The following GRIP1 variants were observed in gnomAD, a reference collection of about 807,000 sequenced individuals.
GRIP1 encodes the protein glutamate receptor-interacting protein 1.
A neutral mutation model predicts 129.9 loss-of-function variants in GRIP1; 45 were observed. The ratio of observed to expected loss-of-function variants is 0.35; its 90% CI spans 0.27 to 0.44. The LOEUF (loss-of-function observed/expected upper bound fraction) is 0.44. Among genes scored for constraint, GRIP1 ranks in the 20% least tolerant of loss-of-function variants. GRIP1 has a pLI of 1.00. For synonymous variants in GRIP1, 530 were observed against 520.8 expected, an observed-to-expected ratio of 1.02 and a Z score of -0.24; for missense variants, 1,196 against 1,396.8, an observed-to-expected ratio of 0.86 and a Z score of 2.29.
intron 22 of GRIP1, among the ~76,000 whole-genome samples, chr12:66,375,184 C>T (rs2055727152): frequency 6.6e-6 from 1 of 151,942 alleles, no homozygotes; most frequent in Non-Finnish European, 1.5e-5. Context: ...ATTATAATTC[C>T]CATTTTTATA....
chr12:66,433,298 G>T (rs1270501232), intron 13 of GRIP1, among the ~76,000 whole-genome samples: 1 of 142,456 alleles, frequency 7.0e-6, no homozygotes, highest in African/African-American at 2.6e-5. Flanking sequence ...CAATCAAAAA[G>T]ACTAAAACAA....
chr12:66,540,500 T>C (rs1177645182), intron 3 of GRIP1, among the ~76,000 whole-genome samples: 5 of 152,116 alleles, frequency 3.3e-5, no homozygotes, highest in African/African-American at 1.2e-4. Flanking sequence ...ATAAAGGAGG[T>C]TGTGGGTGTG....
At chr12:66,536,699 C>G (rs2061614985) in intron 4 of GRIP1, among the ~76,000 whole-genome samples, 1 of 152,166 alleles carries the variant, frequency 6.6e-6, no homozygotes, top group Non-Finnish European at 1.5e-5. Flanking sequence ...GCATAGCATT[C>G]ATAGTATTCA....
intron 1 of GRIP1, among the ~76,000 whole-genome samples, chr12:66,944,645 A>G (rs1269105482): frequency 6.6e-6 from 1 of 152,108 alleles, no homozygotes; most frequent in Non-Finnish European, 1.5e-5. Context: ...TGAAAACAGG[A>G]AGGTAACACA....
chr12:66,470,835 GAC>G (rs1274183680), intron 7 of GRIP1, among the ~76,000 whole-genome samples: 1 of 152,188 alleles, frequency 6.6e-6, no homozygotes, highest in Non-Finnish European at 1.5e-5. Flanking sequence ...AAATAATAGG[GAC>G]CATACCCTAC....
At chr12:66,849,302 G>A (rs929098601) in intron 1 of GRIP1, among the ~76,000 whole-genome samples, 3 of 151,980 alleles carry the variant, frequency 2.0e-5, no homozygotes, top group African/African-American at 4.8e-5. Context: ...AACCTCCTCC[G>A]TGAAGCCTGC....
intron 7 of GRIP1, among the ~76,000 whole-genome samples, chr12:66,474,428 A>C (rs2059540897): frequency 6.6e-6 from 1 of 152,136 alleles, no homozygotes; most frequent in Non-Finnish European, 1.5e-5. Flanking sequence ...AGTAGAACTT[A>C]CCCAACCTAG....
chr12:67,063,300 A>C (rs931191179), intron 1 of GRIP1, among the ~76,000 whole-genome samples: 6 of 152,152 alleles, frequency 3.9e-5, no homozygotes, highest in African/African-American at 1.4e-4. Context: ...TTGGTGCTTA[A>C]AGTTTAGTCG....
At chr12:66,357,286 G>A (rs2054539435) in intron 23 of GRIP1, among the ~76,000 whole-genome samples, 1 of 152,132 alleles carries the variant, frequency 6.6e-6, no homozygotes, top group Non-Finnish European at 1.5e-5. Flanking sequence ...GTGGGTTCTC[G>A]TCCTTCCCCC....
intron 7 of GRIP1, among the ~76,000 whole-genome samples, chr12:66,469,640 G>GA (rs201381351): frequency 2.2e-4 from 33 of 151,764 alleles, no homozygotes; most frequent in African/African-American, 7.2e-4. Context: ...TAACTAACCA[G>GA]AAAAAAAATG....
chr12:66,833,488 G>T (rs2039554802), intron 1 of GRIP1, among the ~76,000 whole-genome samples: 1 of 152,078 alleles, frequency 6.6e-6, no homozygotes, highest in African/African-American at 2.4e-5. Flanking sequence ...GGCTACTCAT[G>T]GGGTCTGCCT....
At chr12:66,605,407 G>C (rs1338749023) in intron 1 of GRIP1, among the ~76,000 whole-genome samples, 1 of 152,044 alleles carries the variant, frequency 6.6e-6, no homozygotes, top group African/African-American at 2.4e-5. Flanking sequence ...TCCATATTTA[G>C]AAATTTTCAG....
At chr12:66,558,487 T>C (rs1235280242) in intron 2 of GRIP1, among the ~76,000 whole-genome samples, 1 of 152,128 alleles carries the variant, frequency 6.6e-6, no homozygotes, top group Admixed American at 6.5e-5. Flanking sequence ...TAATTCAAGA[T>C]GAGATTTGGG....
Position 66,931,248 on chromosome 12 carries a change from G to A in GRIP1, c.58+137802C>T, listed in dbSNP as rs140170163. 9.8e-5 allele frequency among the ~76,000 whole-genome samples: 15 copies of A among 152,366 alleles called. No homozygotes were observed. In the East Asian group the frequency reaches 2.7e-3, roughly 27 times the overall value. On this transcript the variant is annotated intron_variant, in intron 1 of 1. Transcript: ENST00000643019. The stretch of plus-strand genomic sequence containing the variant: ...CAGAGAGCATGATGCTGACCAGCCC[G>A]TGTCACAGGGATGCCCTGAGGCAGA...
intron 1 of GRIP1, among the ~76,000 whole-genome samples, chr12:66,685,391 A>G (rs990756361): frequency 6.6e-6 from 1 of 152,152 alleles, no homozygotes; most frequent in Non-Finnish European, 1.5e-5. Context: ...AGGATATCAT[A>G]CAGCTGAGTT....
intron 1 of GRIP1, among the ~76,000 whole-genome samples, chr12:66,693,335 C>G (rs570113311): frequency 6.6e-6 from 1 of 152,258 alleles, no homozygotes; most frequent in Non-Finnish European, 1.5e-5. Context: ...TGTGGATTCT[C>G]TTTAAAAATC....
intron 1 of GRIP1, among the ~76,000 whole-genome samples, chr12:66,896,581 A>C (rs1198112940): frequency 1.3e-5 from 2 of 152,054 alleles, no homozygotes; most frequent in African/African-American, 2.4e-5. Context: ...AGGGCTTCTA[A>C]GGTGTCATCT....
chr12:66,862,359 C>T (rs1277908521), intron 1 of GRIP1, among the ~76,000 whole-genome samples: 6 of 152,052 alleles, frequency 3.9e-5, no homozygotes, highest in Admixed American at 3.9e-4. Flanking sequence ...GACTCCCAGC[C>T]CCTAGCTTAA....
chr12:66,928,088 C>T (rs139235316), intron 1 of GRIP1, among the ~76,000 whole-genome samples: 198 of 152,302 alleles, frequency 1.3e-3, no homozygotes, highest in African/African-American at 4.2e-3. Flanking sequence ...GCACTGTCTG[C>T]GCTCCGGACT....
Sources: allele counts gnomAD v4.1 joint callset (sites outside exome capture counted in the v4.1 genomes callset), GRCh38; gene constraint gnomAD v4.1.1; transcripts MANE v1.5; gene names NCBI Gene and HGNC (gene_info 2026-07-23, HGNC 2026-07-21).